Variants in ITPR2 observed in about 807,000 individuals in gnomAD.
ITPR2 encodes the protein inositol 1,4,5-trisphosphate-gated calcium channel ITPR2.
Under a neutral mutation model 317.1 loss-of-function variants are expected in ITPR2, and 207 were observed. The observed-to-expected ratio is 0.65, with a 90% confidence interval of 0.58 to 0.73. The LOEUF (loss-of-function observed/expected upper bound fraction) is 0.73. Ranked by LOEUF, ITPR2 falls within the 30% of genes least tolerant of loss-of-function variation. The pLI, the probability that ITPR2 is intolerant of heterozygous loss-of-function variation, is 0.00. For synonymous variants in ITPR2, 1,156 were observed against 1,149.1 expected (o/e 1.01, Z -0.12); for missense variants, 2,613 against 3,284.0 (o/e 0.80, Z 4.99).
rs76291628 is a variant in ITPR2 at position 26,404,576 on chromosome 12, A to G, written c.7400-4318T>C. 5.6e-3 allele frequency among the ~76,000 whole-genome samples: 857 copies of G among 152,274 alleles called. 3 individuals are homozygous for G. The highest frequency in any genetic ancestry group is 0.019 in the African/African-American group (799 of 41,556). On this transcript the variant is annotated intron_variant, in intron 52 of 56. Coordinates refer to ENST00000381340, the MANE Select transcript of ITPR2 (RefSeq NM_002223.4). ...AAACAGTAGGAAGAAGGCAAATGGT[A>G]GAGAAAAAGCAGTGCAGAAATTAAA...
In ITPR2 at chr12:26,552,784, G is replaced by A. The variant is rs115477293; in HGVS notation, c.4965-2429C>T. On this transcript the variant is annotated intron_variant, in intron 36 of 56. Transcript: ENST00000381340. ...AATAGTCTTTAAATATGGGAAAATC[G>A]TTTCGGTGGACATGATAAATTTCTT... is the stretch of plus-strand genomic sequence containing the variant. 2.4e-3 allele frequency among the ~76,000 whole-genome samples: 360 copies of A among 152,130 alleles called. 2 individuals are homozygous for A. Among genetic ancestry groups the A allele is most frequent in the African/African-American group, 8.2e-3 (341 of 41,472 alleles).
chr12:26,761,113 A>C (rs528137999), intron 2 of ITPR2, among the ~76,000 whole-genome samples: 1 of 152,290 alleles, frequency 6.6e-6, no homozygotes, highest in African/African-American at 2.4e-5. Context: ...CCATGGACCT[A>C]AGTGCCAAGC....
rs187367847 is a variant in ITPR2 at position 26,337,982 on chromosome 12, C to T, written c.*1415G>A. The T allele has an allele frequency of 7.9e-5, 12 of 152,206 alleles. No homozygotes were observed. In the East Asian group the frequency reaches 2.3e-3, roughly 29 times the overall value. 9.4% of individuals were successfully genotyped at this position (152,206 alleles called of 1,614,324 possible). Reference sequence around the variant, plus strand: ...AGCTTTAAAAATTGTCAGAGCAAACCCTATAGCAAACCCTATCTAGACCTT... The same window carrying T: ...AGCTTTAAAAATTGTCAGAGCAAACTCTATAGCAAACCCTATCTAGACCTT... On this transcript the variant is annotated 3_prime_UTR_variant, in exon 57 of 57. Transcript: ENST00000381340.
In ITPR2 at chr12:26,628,109, A is replaced by G; in HGVS notation, c.2988T>C (p.Tyr996=). 1 of 1,610,676 alleles carries G rather than the reference A, an allele frequency of 6.2e-7. No individual in the cohort carries two copies. The highest frequency in any genetic ancestry group is 8.5e-7 in the Non-Finnish European group (1 of 1,176,978). Residue 996 remains tyrosine, a synonymous_variant, in exon 23 of 57, where the codon TAT becomes TAC. Coordinates refer to ENST00000381340, the MANE Select transcript of ITPR2 (RefSeq NM_002223.4). ...CATTGTCCTCTCCAAACTCCTTCTT[A>G]TATATTGACAGCATATATGAGATCC... is the stretch of plus-strand genomic sequence containing the variant. The part of the protein sequence containing the change: ...DYRISYMLSI[Y]KKEFGEDNDN...
intron 48 of ITPR2, among the ~76,000 whole-genome samples, chr12:26,433,373 G>A (rs972486938): frequency 3.9e-5 from 6 of 152,132 alleles, no homozygotes; most frequent in African/African-American, 9.7e-5. Context: ...CCTTGTGTTC[G>A]TTAGTCCTAT....
chr12:26,519,310 T>C (rs149230916), intron 37 of ITPR2, among the ~76,000 whole-genome samples: 26 of 152,260 alleles, frequency 1.7e-4, no homozygotes, highest in African/African-American at 6.3e-4. Flanking sequence ...CATGACCCAG[T>C]GGAATTTGTT....
chr12:26,348,046 G>C lies in ITPR2; in HGVS notation c.7858-7718C>G, dbSNP rs554262343. On this transcript the variant is annotated intron_variant, in intron 55 of 56. Transcript: ENST00000381340. The stretch of plus-strand genomic sequence containing the variant: ...TTTTTCTTGGTTACCATCCTTTCCT[G>C]AGCTTTATGTTTATACTGCATTTTC... Among the ~76,000 whole-genome samples the C allele has an allele frequency of 2.0e-5, 3 of 152,280 alleles. No individual in the cohort carries two copies. In the East Asian group the frequency reaches 5.8e-4, roughly 29 times the overall value.
At chr12:26,407,011 C>T (rs1480407167) in intron 52 of ITPR2, among the ~76,000 whole-genome samples, 1 of 152,192 alleles carries the variant, frequency 6.6e-6, no homozygotes, top group Non-Finnish European at 1.5e-5. Flanking sequence ...TGTGACACAT[C>T]TCCAGAGATG....
intron 37 of ITPR2, among the ~76,000 whole-genome samples, chr12:26,549,409 C>T (rs1944469162): frequency 6.6e-6 from 1 of 152,080 alleles, no homozygotes; most frequent in Admixed American, 6.6e-5. Flanking sequence ...CTTTAAAAAA[C>T]CCAACCACTA....
intron 2 of ITPR2, among the ~76,000 whole-genome samples, chr12:26,779,626 G>A (rs1303258378): frequency 1.3e-5 from 2 of 152,202 alleles, no homozygotes; most frequent in African/African-American, 4.8e-5. Context: ...CTGGTTCGCA[G>A]ATAGTTATGC....
At chr12:26,487,853 T>G (rs1026930227) in intron 39 of ITPR2, among the ~76,000 whole-genome samples, 1 of 152,224 alleles carries the variant, frequency 6.6e-6, no homozygotes, top group African/African-American at 2.4e-5. Context: ...ATCTCACTGA[T>G]AAACAGGTAC....
chr12:26,354,270 T>TCA (rs1938566566), intron 55 of ITPR2, among the ~76,000 whole-genome samples: 1 of 150,976 alleles, frequency 6.6e-6, no homozygotes, highest in South Asian at 2.1e-4. Flanking sequence ...CCAGACTCCC[T>TCA]CAAAAAAATA....
At chr12:26,662,335 T>C (rs1465006325) in intron 15 of ITPR2, among the ~76,000 whole-genome samples, 1 of 152,222 alleles carries the variant, frequency 6.6e-6, no homozygotes, top group African/African-American at 2.4e-5. Flanking sequence ...CTATCCTTCA[T>C]CTTAATTCAG....
chr12:26,675,183 CA>C (rs1446967318), intron 13 of ITPR2, among the ~76,000 whole-genome samples: 5 of 152,062 alleles, frequency 3.3e-5, no homozygotes, highest in African/African-American at 1.2e-4. Flanking sequence ...TTGACCCAGC[CA>C]TCCCATTACT....
intron 32 of ITPR2, among the ~76,000 whole-genome samples, chr12:26,590,107 C>G (rs770560035): frequency 2.0e-5 from 3 of 151,910 alleles, no homozygotes; most frequent in Non-Finnish European, 4.4e-5. Context: ...CAGAAAATAT[C>G]TGACCAGCTG....
At chr12:26,436,837 G>A (rs16930705) in intron 47 of ITPR2, among the ~76,000 whole-genome samples, 9,398 of 152,212 alleles carry the variant, frequency 0.062, 322 homozygotes, top group South Asian at 0.095. Context: ...TTACCTGAAA[G>A]TATGAAACCT....
At chr12:26,375,710 T>C (rs1287368559) in intron 55 of ITPR2, among the ~76,000 whole-genome samples, 1 of 152,260 alleles carries the variant, frequency 6.6e-6, no homozygotes, top group East Asian at 1.9e-4. Flanking sequence ...TACCTAAATC[T>C]GTGATTTCAG....
rs150252905 is a variant in ITPR2, at chr12:26,485,976, G to A, written c.5811+128C>T. The A allele has an allele frequency of 3.5e-4, 337 of 974,870 alleles. 1 individual carries two copies. In the African/African-American group the frequency reaches 4.7e-3, roughly 14 times the overall value. The allele number at this position is 974,870 out of a possible 1,614,324, so 60.4% of individuals were successfully genotyped here. ...ACCAAAGTTTCTTCCCATTTCAGAG[G>A]AGCACTATTGCTTTTATTGATTATC... On this transcript the variant is annotated intron_variant, in intron 41 of 56. Coordinates refer to ENST00000381340, the MANE Select transcript of ITPR2 (RefSeq NM_002223.4).
At chr12:26,368,819 C>T (rs1939096475) in intron 55 of ITPR2, among the ~76,000 whole-genome samples, 1 of 152,096 alleles carries the variant, frequency 6.6e-6, no homozygotes, top group South Asian at 2.1e-4. Context: ...AAAGTTGTTG[C>T]CCTAATGCAG....
Sources: allele counts gnomAD v4.1 joint callset (sites outside exome capture counted in the v4.1 genomes callset), GRCh38; gene constraint gnomAD v4.1.1; transcripts MANE v1.5; gene names NCBI Gene and HGNC (gene_info 2026-07-23, HGNC 2026-07-21).